ZFP69B: variants seen among roughly 807,000 people sequenced by gnomAD.
ZFP69B encodes zinc finger protein 69 homolog B.
ZFP69B carries 20 observed loss-of-function variants against 19.7 expected under a neutral mutation model. That is an observed-to-expected ratio of 1.02 (90% CI 0.71 to 1.48). The LOEUF is 1.48. Among genes scored for constraint, ZFP69B ranks in the 40% most tolerant of loss-of-function variants. The pLI is 0.00. For synonymous variants in ZFP69B, 220 were observed against 222.7 expected, an observed-to-expected ratio of 0.99 and a Z score of 0.11; for missense variants, 583 against 632.6, an observed-to-expected ratio of 0.92 and a Z score of 0.84.
rs1645177213 is a variant in ZFP69B at position 40,450,718 on chromosome 1, T to C, written c.-244T>C. ...TCCAGCTGCTGGCCAAGGAGACAGATGGAGCTCAAGTTGGGAGATACGCCC... is the reference window on the plus strand; with the variant it reads ...TCCAGCTGCTGGCCAAGGAGACAGACGGAGCTCAAGTTGGGAGATACGCCC... On this transcript the variant is annotated 5_prime_UTR_variant, in exon 1 of 5. The change abolishes an upstream ATG in the 5' untranslated region. Transcript: ENST00000361584. 6.7e-6 allele frequency: 2 copies of C among 299,056 alleles called. No homozygotes were observed. The highest frequency in any genetic ancestry group is 1.6e-4 in the South Asian group (2 of 12,802). The allele number at this position is 299,056 out of a possible 1,614,324, so 18.5% of individuals were successfully genotyped here. A position where few individuals can be genotyped will look rare whatever the true frequency, so the allele number is the denominator to read the frequency against.
intron 2 of ZFP69B, among the ~76,000 whole-genome samples, chr1:40,456,483 C>G (rs1645234025): frequency 6.6e-6 from 1 of 152,190 alleles, no homozygotes; most frequent in Non-Finnish European, 1.5e-5. Flanking sequence ...TTCATGCTCC[C>G]TCCAAAAATG....
intron 4 of ZFP69B, 106 bp from the exon 5 acceptor site, chr1:40,462,315 G>T: frequency 1.9e-6 from 2 of 1,033,468 alleles, no homozygotes; most frequent in Non-Finnish European, 2.8e-6. Flanking sequence ...GGATGATCCA[G>T]AACTCCTGTA....
At chr1:40,456,069 G>C (rs771682896) in intron 2 of ZFP69B, among the ~76,000 whole-genome samples, 5 of 152,110 alleles carry the variant, frequency 3.3e-5, no homozygotes, top group Admixed American at 3.3e-4. Context: ...GTAAACATAC[G>C]TGTGCCTGTG....
chr1:40,455,244 C>G (rs181049713), intron 2 of ZFP69B, among the ~76,000 whole-genome samples: 2 of 152,242 alleles, frequency 1.3e-5, no homozygotes, highest in Admixed American at 6.5e-5. Flanking sequence ...TCTGCACTAC[C>G]AAACCCCAGA....
intron 2 of ZFP69B, among the ~76,000 whole-genome samples, chr1:40,455,909 A>C (rs1480258200): frequency 2.0e-5 from 3 of 152,106 alleles, no homozygotes; most frequent in Non-Finnish European, 4.4e-5. Flanking sequence ...TTCCAGCTTC[A>C]TCCATGTCCC....
upstream of ZFP69B, chr1:40,450,235 C>T (rs970211145): frequency 1.3e-5 from 2 of 152,384 alleles, no homozygotes; most frequent in African/African-American, 4.8e-5. Flanking sequence ...GCGAGTTCCG[C>T]CCGCGGCCAC....
Position 40,454,217 on chromosome 1 carries a change from G to A in ZFP69B, c.142G>A (p.Asp48Asn). 1 of 1,600,426 alleles carries A rather than the reference G, an allele frequency of 6.2e-7. No individual in the cohort carries two copies. Among genetic ancestry groups the A allele is most frequent in the Non-Finnish European group, 8.5e-7 (1 of 1,172,366 alleles). Residue 48 changes from aspartate to asparagine, a missense_variant, in exon 2 of 5, where the codon GAT becomes AAT. By Grantham distance (23) the Asp-to-Asn change is conservative. Coordinates refer to ENST00000361584, the MANE Select transcript of ZFP69B (RefSeq NM_023070.3). The part of the protein sequence containing the change: ...MFKAEALLSQ[D>N]ADETQGESLE... ...TCCTTCCCCAGCTCTGCTGTCTCAG[G>A]ATGCTGATGAGACCCAGGGCGAAAG...
In ZFP69B at chr1:40,450,906, GGACA is replaced by G. The variant is rs1645179559; in HGVS notation, c.-55_-52del. On this transcript the variant is annotated 5_prime_UTR_variant, in exon 1 of 5. Transcript: ENST00000361584. ...TTCCAGCAATTTCCTCATCAGAGGT[GGACA>G]AGCCCTATGGGCTAAGACAGAGGGT... 4.1e-6 allele frequency: 6 copies of G among 1,461,380 alleles called. No individual in the cohort carries two copies. The African/African-American group carries it at 8.7e-5, about 21-fold the overall frequency. 90.5% of individuals were successfully genotyped at this position (1,461,380 alleles called of 1,614,324 possible).
Position 40,463,457 on chromosome 1 carries a change from T to C in ZFP69B, c.1473T>C (p.Ala491=), listed in dbSNP as rs1272334846. Residue 491 remains alanine (A), a synonymous_variant, in exon 5 of 5, where the codon GCT becomes GCC. Transcript: ENST00000361584. ...CCTTTAGGCATGATTCATCCTTTGC[T>C]AAACATCAGAGAATTCATACTGGAG... ...GKAFRHDSSF[A]KHQRIHTGEK... is the part of the protein sequence containing the mutation. The C allele has an allele frequency of 1.9e-6, 3 of 1,614,190 alleles. No individual in the cohort carries two copies. The South Asian group carries it at 3.3e-5, about 18-fold the overall frequency.
At chr1:40,454,635 G>GATC (rs1206081518) in intron 2 of ZFP69B, among the ~76,000 whole-genome samples, 1 of 152,132 alleles carries the variant, frequency 6.6e-6, no homozygotes, top group Non-Finnish European at 1.5e-5. Context: ...CTGACCTGGT[G>GATC]ATCCACCCAC....
intron 4 of ZFP69B, among the ~76,000 whole-genome samples, chr1:40,458,518 T>G (rs1459408087): frequency 6.6e-6 from 1 of 151,978 alleles, no homozygotes; most frequent in South Asian, 2.1e-4. Context: ...AATTGTTTTT[T>G]TTTTTTTTTC....
At chr1:40,454,425 G>A (rs1645214162) in intron 2 of ZFP69B, 137 bp downstream of exon 2, 2 of 559,706 alleles carry the variant, frequency 3.6e-6, no homozygotes, top group African/African-American at 2.0e-5. Flanking sequence ...TTGAGACGGA[G>A]TCTCACTCTG....
At chr1:40,452,526 G>A (rs540050526) in intron 1 of ZFP69B, among the ~76,000 whole-genome samples, 6 of 152,162 alleles carry the variant, frequency 3.9e-5, no homozygotes, top group Non-Finnish European at 8.8e-5. Context: ...GACTGTTCTT[G>A]TATCTTAAAA....
intron 1 of ZFP69B, 112 bp from the exon 2 acceptor site, chr1:40,454,091 C>A: frequency 9.3e-6 from 6 of 646,050 alleles, no homozygotes; most frequent in East Asian, 3.1e-5. Flanking sequence ...GTCTAAATGT[C>A]CCTGTTTGTG....
intron 2 of ZFP69B, among the ~76,000 whole-genome samples, chr1:40,456,134 G>A (rs1485717497): frequency 1.3e-5 from 2 of 152,106 alleles, no homozygotes; most frequent in African/African-American, 2.4e-5. Flanking sequence ...TAGTGGGATT[G>A]CTGGGTCAAA....
At position 40,450,926 on chromosome 1, in the gene ZFP69B, G is replaced by A. The variant is rs1218787255; in HGVS notation, c.-36G>A. Reference sequence around the variant, plus strand: ...GAGGTGGACAAGCCCTATGGGCTAAGACAGAGGGTCCTCAGAAAGGAGTGC... The same window carrying A: ...GAGGTGGACAAGCCCTATGGGCTAAAACAGAGGGTCCTCAGAAAGGAGTGC... On this transcript the variant is annotated 5_prime_UTR_variant, in exon 1 of 5. Transcript: ENST00000361584. 1 of 1,528,272 alleles carries A rather than the reference G, an allele frequency of 6.5e-7. No homozygotes were observed. Among genetic ancestry groups the A allele is most frequent in the African/African-American group, 1.4e-5 (1 of 72,168 alleles). The allele number at this position is 1,528,272 out of a possible 1,614,324, so 94.7% of individuals were successfully genotyped here. A position where few individuals can be genotyped will look rare whatever the true frequency, so the allele number is the denominator to read the frequency against.
Position 40,457,329 on chromosome 1 carries a change from C to G in ZFP69B, c.341-15C>G. On this transcript the variant is annotated splice_polypyrimidine_tract_variant and intron_variant, in intron 3 of 4. Transcript: ENST00000361584. Reference sequence around the variant, plus strand: ...GTGACCTCAGCATATACAGTCTTTTCTTCCCCATAAGCAGGATGTCAGCTT... The same window carrying G: ...GTGACCTCAGCATATACAGTCTTTTGTTCCCCATAAGCAGGATGTCAGCTT... The G allele has an allele frequency of 6.2e-7, 1 of 1,613,306 alleles. No individual in the cohort carries two copies. Among genetic ancestry groups the G allele is most frequent in the East Asian group, 2.2e-5 (1 of 44,870 alleles).
At chr1:40,459,988 T>TA (rs1296811917) in intron 4 of ZFP69B, among the ~76,000 whole-genome samples, 1 of 152,200 alleles carries the variant, frequency 6.6e-6, no homozygotes, top group Non-Finnish European at 1.5e-5. Context: ...ATACAATGCA[T>TA]AAAATATATA....
At chr1:40,461,192 G>A (rs1177457864) in intron 4 of ZFP69B, among the ~76,000 whole-genome samples, 1 of 146,956 alleles carries the variant, frequency 6.8e-6, no homozygotes, top group Non-Finnish European at 1.5e-5. Context: ...ATGTAGATAT[G>A]TATACCATGA....
Sources: gnomAD v4.1 joint callset for allele counts (sites outside exome capture counted in the v4.1 genomes callset) on GRCh38, gnomAD v4.1.1 for gene constraint, MANE v1.5 for transcripts, NCBI Gene and HGNC (gene_info 2026-07-23, HGNC 2026-07-21) for gene names.